MYH16: variants seen among roughly 807,000 people sequenced by gnomAD.
MYH16 encodes myosin heavy chain 16.
chr7:99,293,890 C>G (rs1792430192), intron 32 of MYH16, 128 bp from the exon 14 acceptor site: 2 of 331,724 alleles, frequency 6.0e-6, no homozygotes, highest in African/African-American at 4.4e-5. Context: ...TGTAAACACT[C>G]TGCATCGTTT....
intron 18 of MYH16, among the ~76,000 whole-genome samples, chr7:99,270,543 T>C (rs905010446): frequency 6.6e-6 from 1 of 151,424 alleles, no homozygotes; most frequent in African/African-American, 2.4e-5. Context: ...GGTCTCGATC[T>C]CCTGACCTCA....
intron 13 of MYH16, among the ~76,000 whole-genome samples, chr7:99,262,487 G>T (rs1222258569): frequency 2.0e-5 from 3 of 152,244 alleles, no homozygotes; most frequent in African/African-American, 7.2e-5. Context: ...ACTGAGAAGA[G>T]TTCCTTATTT....
chr7:99,277,850 C>A, intron 21 of MYH16, 138 bp downstream of exon 3: 1 of 358,268 alleles, frequency 2.8e-6, no homozygotes, highest in Non-Finnish European at 5.5e-6. Context: ...CACCCTCGAC[C>A]CAACTTCCAA....
chr7:99,280,323 A>C (rs1792185874), intron 22 of MYH16, among the ~76,000 whole-genome samples: 1 of 152,252 alleles, frequency 6.6e-6, no homozygotes, highest in South Asian at 2.1e-4. Context: ...CACTGCAGAA[A>C]GTTCTGCTGG....
At chr7:99,288,355 C>T (rs540218500) in intron 29 of MYH16, among the ~76,000 whole-genome samples, 47 of 152,296 alleles carry the variant, frequency 3.1e-4, no homozygotes, top group African/African-American at 9.9e-4. Flanking sequence ...AGGAGGATCG[C>T]TTGAGCCCAG....
rs191622017 is a variant in MYH16 at position 99,282,457 on chromosome 7, A to G, written n.2993-1108A>G. ...GTTAGACTCTTGCATGCCTCTGGTC[A>G]TAACATTTTATTTTTTTTTATTTTT... On this transcript the variant is annotated intron_variant and non_coding_transcript_variant, in intron 23 of 41. Coordinates refer to ENST00000439784, the Ensembl canonical transcript of MYH16. Among the ~76,000 whole-genome samples, 269 of 150,942 alleles carry G rather than the reference A, an allele frequency of 1.8e-3. 1 individual carries two copies. The highest frequency in any genetic ancestry group is 4.0e-3 in the South Asian group (19 of 4,786).
chr7:99,287,817 G>C (rs528065216), intron 28 of MYH16, 75 bp from the exon 10 acceptor site: 1 of 413,972 alleles, frequency 2.4e-6, no homozygotes, highest in African/African-American at 2.1e-5. Flanking sequence ...GGGGACCACC[G>C]AGCAGCTGGG....
chr7:99,299,993 CTT>C (rs1274648105), intron 37 of MYH16, among the ~76,000 whole-genome samples: 1 of 147,410 alleles, frequency 6.8e-6, no homozygotes, highest in African/African-American at 2.5e-5. Flanking sequence ...GAGTTTTGCT[CTT>C]GTCACCCAGG....
intron 11 of MYH16, among the ~76,000 whole-genome samples, chr7:99,258,718 T>C (rs937378221): frequency 6.6e-6 from 1 of 152,136 alleles, no homozygotes; most frequent in African/African-American, 2.4e-5. Context: ...TAGCTTGAAA[T>C]TAGCCATGGC....
chr7:99,289,113 C>G (rs1425440982), intron 29 of MYH16, among the ~76,000 whole-genome samples, 174 bp from the exon 11 acceptor site: 1 of 128,942 alleles, frequency 7.8e-6, no homozygotes, highest in Non-Finnish European at 1.7e-5. Flanking sequence ...TACCCTGTCT[C>G]AAAAAAAAAA....
chr7:99,263,838 T>C (rs766652011), intron 14 of MYH16, among the ~76,000 whole-genome samples: 1 of 152,238 alleles, frequency 6.6e-6, no homozygotes, highest in South Asian at 2.1e-4. Flanking sequence ...ATAGAGGTCA[T>C]GTGGCTCATA....
chr7:99,284,881 T>C (rs1792256094), exon 26 of MYH16: 1 of 456,556 alleles, frequency 2.2e-6, no homozygotes. Context: ...ACTCGAAATA[T>C]GAGGATGAGC....
intron 33 of MYH16, among the ~76,000 whole-genome samples, chr7:99,295,836 GA>G (rs869299904): frequency 0.01 from 582 of 56,800 alleles, 3 homozygotes; most frequent in East Asian, 0.065. Flanking sequence ...TCATCTCTTG[GA>G]AAAAAAAAAA....
At position 99,298,661 on chromosome 7, in the gene MYH16, G is replaced by C. The variant is rs1792539745; in HGVS notation, n.4740+666G>C. On this transcript the variant is annotated intron_variant and non_coding_transcript_variant, in intron 36 of 41. Coordinates refer to ENST00000439784, the Ensembl canonical transcript of MYH16. ...CTTTGCCCCTTTCAAAAATTGGATT[G>C]CTTCTTTTTATTGTTGAGTTGTAAG... Among the ~76,000 whole-genome samples the C allele has an allele frequency of 2.0e-5, 3 of 152,012 alleles. No individual in the cohort carries two copies. The South Asian group carries it at 6.2e-4, about 32-fold the overall frequency.
At chr7:99,240,440 G>A (rs554392489) in intron 1 of MYH16, among the ~76,000 whole-genome samples, 1 of 152,186 alleles carries the variant, frequency 6.6e-6, no homozygotes, top group Non-Finnish European at 1.5e-5. Flanking sequence ...AAAATTGAGA[G>A]CAAGCAAGCA....
At chr7:99,248,634 C>A (rs541471282) in intron 3 of MYH16, among the ~76,000 whole-genome samples, 1 of 152,356 alleles carries the variant, frequency 6.6e-6, no homozygotes, top group African/African-American at 2.4e-5. Context: ...GGGCTCCAGC[C>A]TCAGCTTCCC....
At chr7:99,240,725 A>C (rs1285652984) in intron 1 of MYH16, among the ~76,000 whole-genome samples, 1 of 151,922 alleles carries the variant, frequency 6.6e-6, no homozygotes, top group Non-Finnish European at 1.5e-5. Flanking sequence ...CTGTACTCCC[A>C]GTTACTTAGG....
intron 31 of MYH16, among the ~76,000 whole-genome samples, 175 bp downstream of exon 12, chr7:99,291,625 C>CCCACCCCCAA (rs1554338966): frequency 8.5e-6 from 1 of 117,884 alleles, no homozygotes; most frequent in African/African-American, 3.5e-5. Flanking sequence ...AGACCCCCCC[C>CCCACCCCCAA]CACCCCCCCC....
intron 31 of MYH16, 91 bp from the exon 13 acceptor site, chr7:99,292,221 T>C (rs1792393009): frequency 2.7e-6 from 1 of 369,604 alleles, no homozygotes; most frequent in Admixed American, 3.3e-5. Context: ...TCGCCTGCCA[T>C]CACTGCTGCT....
Sources: allele counts gnomAD v4.1 joint callset (sites outside exome capture counted in the v4.1 genomes callset), GRCh38; gene constraint gnomAD v4.1.1; transcripts MANE v1.5; gene names NCBI Gene and HGNC (gene_info 2026-07-23, HGNC 2026-07-21).